EHMT1: variants seen among roughly 807,000 people sequenced by gnomAD.
The protein encoded by EHMT1 is histone-lysine N-methyltransferase EHMT1.
A neutral mutation model predicts 147.2 loss-of-function variants in EHMT1; 15 were observed. That is an observed-to-expected ratio of 0.10 (90% CI 0.07 to 0.16). The LOEUF (loss-of-function observed/expected upper bound fraction) is 0.16. Ranked by LOEUF, EHMT1 falls within the 10% of genes least tolerant of loss-of-function variation. The probability of loss-of-function intolerance (pLI) is 1.00; values close to 1 mark genes in which losing one functional copy is unlikely to be tolerated. For missense variants in EHMT1, 1,587 were observed against 1,772.4 expected, an observed-to-expected ratio of 0.90 and a Z score of 1.88; for synonymous variants, 795 against 709.6, an observed-to-expected ratio of 1.12 and a Z score of -1.91.
chr9:137,813,231 A>G lies in EHMT1; in HGVS notation c.3035+58A>G. ...ATCAGCGGTCAGCAGGGCTTTGGGA[A>G]CTTGCGGTGAAAGCTGCTCCTGAAG... On this transcript the variant is annotated intron_variant, in intron 20 of 26. Transcript: ENST00000460843. This position sits in a 1 kb window ranked among gnomAD's most constrained non-coding sequence, Gnocchi z 4.9. 6 of 1,589,850 alleles carry G rather than the reference A, an allele frequency of 3.8e-6. 1 individual carries two copies. The South Asian group carries it at 6.7e-5, about 18-fold the overall frequency.
At position 137,762,707 on chromosome 9, in the gene EHMT1, G is replaced by T. The variant is rs1167899326; in HGVS notation, c.1534G>T (p.Asp512Tyr). 1 of 1,614,260 alleles carries T rather than the reference G, an allele frequency of 6.2e-7. No individual in the cohort carries two copies. The change falls in exon 10 of 27, where the codon GAC (aspartate) becomes TAC (tyrosine). Residue 512 changes from aspartate to tyrosine, a missense_variant. This residue lies in a region of EHMT1 where 810 missense variants were observed against 673.0 expected (regional missense o/e 1.20). Transcript: ENST00000460843. ...CAACGGTCCAGATGTGCTGGAGACAGACGGCCTCCAGGAAGTGCCTCTCTG... is the reference window on the plus strand; with the variant it reads ...CAACGGTCCAGATGTGCTGGAGACATACGGCCTCCAGGAAGTGCCTCTCTG... ...LANGPDVLETDGLQEVPLCSC... is the reference protein window; with the variant it reads ...LANGPDVLETYGLQEVPLCSC...
intron 1 of EHMT1, among the ~76,000 whole-genome samples, chr9:137,640,828 C>T (rs1271758591): frequency 1.3e-5 from 2 of 152,176 alleles, no homozygotes; most frequent in Non-Finnish European, 2.9e-5. Flanking sequence ...ATTCTTTTCA[C>T]ATTTTATTCT....
chr9:137,732,292 C>G lies in EHMT1; in HGVS notation c.823+3763C>G, dbSNP rs1289549265. On this transcript the variant is annotated intron_variant, in intron 4 of 26. Coordinates refer to ENST00000460843, the MANE Select transcript of EHMT1 (RefSeq NM_024757.5). This position sits in a 1 kb window ranked among gnomAD's most constrained non-coding sequence, Gnocchi z 4.6. ...CAGTTCAGCGAACGGGAGCGTGTCA[C>G]TGCCTGCAGCTCAGTGAACCGGCCA... is the stretch of plus-strand genomic sequence containing the variant. Among the ~76,000 whole-genome samples the G allele has an allele frequency of 5.3e-5, 8 of 152,268 alleles. No homozygotes were observed. The highest frequency in any genetic ancestry group is 1.2e-4 in the Non-Finnish European group (8 of 68,048).
intron 1 of EHMT1, among the ~76,000 whole-genome samples, chr9:137,634,079 C>T (rs979703146): frequency 6.6e-6 from 1 of 152,138 alleles, no homozygotes; most frequent in Non-Finnish European, 1.5e-5. Flanking sequence ...TCTCAAAGTG[C>T]TGGGATTATA....
At chr9:137,758,913 G>C (rs1184434236) in intron 9 of EHMT1, among the ~76,000 whole-genome samples, 1 of 152,104 alleles carries the variant, frequency 6.6e-6, no homozygotes, top group Non-Finnish European at 1.5e-5. Flanking sequence ...AGATCACGAG[G>C]TCAGGAGATC....
At chr9:137,710,339 GGT>G (rs1481434775) in intron 1 of EHMT1, among the ~76,000 whole-genome samples, 8 of 152,048 alleles carry the variant, frequency 5.3e-5, no homozygotes, top group African/African-American at 1.4e-4. Flanking sequence ...TGGGTGTGGT[GGT>G]GTGCACCTGT....
intron 1 of EHMT1, among the ~76,000 whole-genome samples, chr9:137,661,475 T>C (rs1939067265): frequency 6.6e-6 from 1 of 151,874 alleles, no homozygotes; most frequent in Admixed American, 6.6e-5. Flanking sequence ...CCCCAGGTAG[T>C]TTTTGTACAT....
chr9:137,649,201 T>C (rs1845124212), intron 1 of EHMT1, among the ~76,000 whole-genome samples: 1 of 152,038 alleles, frequency 6.6e-6, no homozygotes, highest in South Asian at 2.1e-4. Flanking sequence ...CCCAGCACTT[T>C]GTGAGGCCAA....
At chr9:137,666,412 C>T (rs1276959310) in intron 1 of EHMT1, among the ~76,000 whole-genome samples, 1 of 152,220 alleles carries the variant, frequency 6.6e-6, no homozygotes, top group East Asian at 1.9e-4. Flanking sequence ...TGCTGACTAG[C>T]AGTGTTTTCC....
chr9:137,825,497 C>T (rs564306909), intron 25 of EHMT1, among the ~76,000 whole-genome samples: 3 of 152,282 alleles, frequency 2.0e-5, no homozygotes, highest in African/African-American at 7.2e-5. Flanking sequence ...CCACCCTGGG[C>T]ACCTCTGTTT....
chr9:137,765,230 G>C (rs1320937365), intron 10 of EHMT1, among the ~76,000 whole-genome samples: 1 of 152,190 alleles, frequency 6.6e-6, no homozygotes, highest in Admixed American at 6.5e-5. Flanking sequence ...ACATCTGCTA[G>C]GGCTGTTTCG....
chr9:137,802,743 T>C (rs892946068), intron 18 of EHMT1: 13 of 1,141,222 alleles, frequency 1.1e-5, no homozygotes, highest in Non-Finnish European at 1.3e-5. Context: ...CAGGCCTCTC[T>C]GGAGTGACTG....
At chr9:137,710,929 A>G (rs1588289238) in intron 1 of EHMT1, 38 bp from the exon 2 acceptor site, 2 of 1,572,922 alleles carry the variant, frequency 1.3e-6, no homozygotes, top group Non-Finnish European at 1.7e-6. Flanking sequence ...GCGGCCTCCC[A>G]CTGAACCCGG....
In EHMT1 at chr9:137,828,925, G is replaced by GCCCAGATGGGCCTGGCCCT. The variant is rs1275913037; in HGVS notation, c.3541-5414_3541-5396dup. On this transcript the variant is annotated intron_variant, in intron 25 of 26. Transcript: ENST00000460843. The surrounding 1 kb of genome is among the most constrained non-coding windows in gnomAD (Gnocchi z 5.3). ...GAGCCTGCTAGGAATCCTGGGAAGA[G>GCCCAGATGGGCCTGGCCCT]CCCAGATGGGCCTGGCCCTCCCAGA... is the stretch of plus-strand genomic sequence containing the variant. 6.6e-5 allele frequency among the ~76,000 whole-genome samples: 10 copies of GCCCAGATGGGCCTGGCCCT among 152,100 alleles called. No individual in the cohort carries two copies. In the East Asian group the frequency reaches 1.9e-3, roughly 29 times the overall value.
At chr9:137,728,987 A>G (rs1010424963) in intron 4 of EHMT1, among the ~76,000 whole-genome samples, 1 of 152,044 alleles carries the variant, frequency 6.6e-6, no homozygotes, top group Non-Finnish European at 1.5e-5. Context: ...GGCTGCTTCT[A>G]TGGCCAGTTC....
At chr9:137,669,924 C>T (rs1940354853) in intron 1 of EHMT1, among the ~76,000 whole-genome samples, 3 of 152,100 alleles carry the variant, frequency 2.0e-5, no homozygotes, top group Admixed American at 6.5e-5. Context: ...AATCTCGGCT[C>T]TCTGCAACCT....
At chr9:137,761,780 G>C (rs1030100026) in intron 9 of EHMT1, among the ~76,000 whole-genome samples, 7 of 152,246 alleles carry the variant, frequency 4.6e-5, no homozygotes, top group Admixed American at 3.9e-4. Context: ...TTTTAATTAA[G>C]AGAGGTAATA....
rs150555158 is a variant in EHMT1, at chr9:137,834,480, C to A, written c.3672C>A (p.Ile1224=). 4.1e-5 allele frequency: 66 copies of A among 1,612,548 alleles called. No homozygotes were observed. The highest frequency in any genetic ancestry group is 5.3e-5 in the Non-Finnish European group (63 of 1,179,800). ...MAHQDLRFPR[I]AFFSTRLIEA... is the part of the protein sequence containing the mutation. ...ACCAGGACCTGCGGTTCCCCCGGATCGCCTTCTTCAGCACCCGCCTGATCG... is the reference window on the plus strand; with the variant it reads ...ACCAGGACCTGCGGTTCCCCCGGATAGCCTTCTTCAGCACCCGCCTGATCG... Residue 1224 remains isoleucine, a synonymous_variant, in exon 26 of 27, where the codon ATC becomes ATA. Coordinates refer to ENST00000460843, the MANE Select transcript of EHMT1 (RefSeq NM_024757.5).
intron 1 of EHMT1, chr9:137,666,968 C>T (rs1224023734): frequency 1.3e-5 from 2 of 152,216 alleles, no homozygotes; most frequent in Non-Finnish European, 2.9e-5. Context: ...GAACCGTATT[C>T]TTCGAACAAA....
Sources: allele counts gnomAD v4.1 joint callset (sites outside exome capture counted in the v4.1 genomes callset), GRCh38; gene constraint gnomAD v4.1.1; regional missense constraint gnomAD v4.1.1; non-coding constraint Gnocchi (gnomAD v3.1); transcripts MANE v1.5; gene names NCBI Gene and HGNC (gene_info 2026-07-23, HGNC 2026-07-21).